Variants in NCAM2 observed in about 807,000 individuals in gnomAD.
NCAM2 encodes neural cell adhesion molecule 2.
In NCAM2, 30 loss-of-function variants were observed where a neutral mutation model predicts 98.1. The observed-to-expected ratio is 0.31, with a 90% CI of 0.23 to 0.41. NCAM2 has a LOEUF of 0.41. NCAM2 is among the 10% of genes least tolerant of loss of function. The probability of loss-of-function intolerance (pLI) is 1.00; values close to 1 mark genes in which losing one functional copy is unlikely to be tolerated. For missense variants in NCAM2, 867 were observed against 1,005.8 expected, an observed-to-expected ratio of 0.86 and a Z score of 1.87; for synonymous variants, 368 against 342.4, an observed-to-expected ratio of 1.07 and a Z score of -0.83.
At chr21:21,296,601 A>C (rs1002415739) in intron 5 of NCAM2, among the ~76,000 whole-genome samples, 2 of 151,722 alleles carry the variant, frequency 1.3e-5, no homozygotes, top group South Asian at 4.1e-4. Context: ...GGGACAAGGA[A>C]GAGCTGCCAT....
intron 1 of NCAM2, among the ~76,000 whole-genome samples, chr21:21,247,676 T>TA (rs1241990024): frequency 6.6e-6 from 1 of 152,224 alleles, no homozygotes; most frequent in Non-Finnish European, 1.5e-5. Context: ...TTCTATGTAA[T>TA]TACAGTATTA....
chr21:21,119,978 C>T (rs935122167), intron 1 of NCAM2, among the ~76,000 whole-genome samples: 3 of 152,090 alleles, frequency 2.0e-5, no homozygotes, highest in Admixed American at 6.6e-5. Context: ...CACATTGGTC[C>T]CTAAGCACTG....
At chr21:21,376,187 C>T (rs921915775) in intron 9 of NCAM2, among the ~76,000 whole-genome samples, 2 of 151,898 alleles carry the variant, frequency 1.3e-5, no homozygotes, top group South Asian at 2.1e-4. Context: ...TTTATTCAAG[C>T]GTATCCACAT....
At chr21:21,440,193 T>C (rs191257241) in intron 12 of NCAM2, among the ~76,000 whole-genome samples, 269 of 152,306 alleles carry the variant, frequency 1.8e-3, no homozygotes, top group Non-Finnish European at 9.1e-4. Context: ...AATAATTTGA[T>C]TTTTATATAT....
chr21:21,536,683 C>A (rs1990001344), intron 17 of NCAM2, among the ~76,000 whole-genome samples: 3 of 152,136 alleles, frequency 2.0e-5, no homozygotes, highest in African/African-American at 7.2e-5. Flanking sequence ...AGCCACTGCG[C>A]CTGGCCTGGA....
chr21:21,176,362 G>A (rs1358956968), intron 1 of NCAM2, among the ~76,000 whole-genome samples: 3 of 152,054 alleles, frequency 2.0e-5, no homozygotes, highest in Non-Finnish European at 4.4e-5. Flanking sequence ...GAGTGTCATA[G>A]CAACCATCTA....
intron 1 of NCAM2, among the ~76,000 whole-genome samples, chr21:21,131,010 A>AT (rs543120991): frequency 3.9e-5 from 6 of 152,000 alleles, no homozygotes; most frequent in Admixed American, 2.0e-4. Flanking sequence ...AATTCATTAG[A>AT]TTTTTTTTGT....
intron 15 of NCAM2, among the ~76,000 whole-genome samples, chr21:21,485,629 A>G (rs1361367362): frequency 1.3e-5 from 2 of 152,204 alleles, no homozygotes; most frequent in Non-Finnish European, 2.9e-5. Flanking sequence ...CAAAACAAGT[A>G]AAGAGTGTTT....
At chr21:21,391,565 AACAT>A (rs1460747787) in intron 9 of NCAM2, among the ~76,000 whole-genome samples, 1 of 152,202 alleles carries the variant, frequency 6.6e-6, no homozygotes, top group Admixed American at 6.5e-5. Context: ...GTGATATTAA[AACAT>A]ACATGACTAA....
intron 1 of NCAM2, among the ~76,000 whole-genome samples, chr21:21,023,396 C>T (rs2064476124): frequency 6.6e-6 from 1 of 151,692 alleles, no homozygotes; most frequent in Non-Finnish European, 1.5e-5. Context: ...TGGTGGTGGT[C>T]ACCTGTAATC....
chr21:21,368,269 A>G (rs186967190), intron 8 of NCAM2, among the ~76,000 whole-genome samples: 1 of 151,788 alleles, frequency 6.6e-6, no homozygotes. Flanking sequence ...TGCAAGAAAT[A>G]TTTCTTTTCT....
intron 15 of NCAM2, among the ~76,000 whole-genome samples, chr21:21,502,469 C>T: frequency 6.6e-6 from 1 of 151,806 alleles, no homozygotes; most frequent in Non-Finnish European, 1.5e-5. Flanking sequence ...TAAAACATCC[C>T]CCATGATTAG....
intron 1 of NCAM2, among the ~76,000 whole-genome samples, chr21:21,232,437 A>G (rs1344067018): frequency 6.6e-6 from 1 of 151,598 alleles, no homozygotes; most frequent in Non-Finnish European, 1.5e-5. Context: ...GAATCAGTTA[A>G]TAATCATTTT....
At chr21:21,407,154 C>G (rs927730947) in intron 9 of NCAM2, among the ~76,000 whole-genome samples, 5 of 152,268 alleles carry the variant, frequency 3.3e-5, no homozygotes, top group African/African-American at 9.6e-5. Flanking sequence ...AGAGTCACAT[C>G]CCTCATACCA....
chr21:21,077,427 A>C (rs1568997344), intron 1 of NCAM2, among the ~76,000 whole-genome samples: 1 of 152,204 alleles, frequency 6.6e-6, no homozygotes, highest in Non-Finnish European at 1.5e-5. Context: ...TCTACTGGTC[A>C]TTGTACAGAA....
chr21:21,063,903 C>T (rs1047723670), intron 1 of NCAM2, among the ~76,000 whole-genome samples: 3 of 152,024 alleles, frequency 2.0e-5, no homozygotes, highest in African/African-American at 7.3e-5. Flanking sequence ...CTGTTCTGGC[C>T]ATGGGCATGT....
chr21:21,402,240 A>G (rs181544388), intron 9 of NCAM2, among the ~76,000 whole-genome samples: 36 of 152,276 alleles, frequency 2.4e-4, no homozygotes, highest in Non-Finnish European at 4.0e-4. Context: ...AGTAGGAGAG[A>G]TATGGCTAAA....
chr21:21,521,138 G>A (rs571426494), intron 16 of NCAM2, among the ~76,000 whole-genome samples: 5 of 151,972 alleles, frequency 3.3e-5, no homozygotes, highest in Non-Finnish European at 7.4e-5. Flanking sequence ...AACACCACCC[G>A]GCTCTATGTT....
chr21:21,182,652 G>C (rs2068518092), intron 1 of NCAM2, among the ~76,000 whole-genome samples: 1 of 152,038 alleles, frequency 6.6e-6, no homozygotes, highest in African/African-American at 2.4e-5. Context: ...ATTTATATTA[G>C]CTATCTTCAC....
Sources: allele counts gnomAD v4.1 joint callset (sites outside exome capture counted in the v4.1 genomes callset), GRCh38; gene constraint gnomAD v4.1.1; transcripts MANE v1.5; gene names NCBI Gene and HGNC (gene_info 2026-07-23, HGNC 2026-07-21).